The following TRIML2 variants were observed in gnomAD, a reference collection of about 807,000 sequenced individuals.
TRIML2 encodes the protein probable E3 ubiquitin-protein ligase TRIML2.
Under a neutral mutation model 31.2 loss-of-function variants are expected in TRIML2, and 28 were observed. The observed-to-expected ratio is 0.90, with a 90% CI of 0.66 to 1.23. TRIML2 has a LOEUF of 1.23. Among genes scored for constraint, TRIML2 ranks in the 50% most tolerant of loss-of-function variants. The pLI, the probability that TRIML2 is intolerant of heterozygous loss-of-function variation, is 0.00. For synonymous variants in TRIML2, 187 were observed against 197.5 expected (o/e 0.95, Z 0.45); for missense variants, 536 against 528.3 (o/e 1.01, Z -0.14).
At chr4:188,093,147 A>C in intron 7 of TRIML2, 1 of 257,212 alleles carries the variant, frequency 3.9e-6, no homozygotes, top group East Asian at 1.0e-4. Flanking sequence ...CAGTTGTCTA[A>C]GCCATAAACC....
rs1410479257 is a variant in TRIML2, at chr4:188,091,888, CCT to C, written c.797_798del (p.Glu266GlyfsTer109). ...ETAHPCLALSEDLRTMRLRHG... is the reference protein window; with the variant it reads ...ETAHPCLALSXDLRTMRLRHG... Reference sequence around the variant, plus strand: ...TGTCTCAATCTCATAGTTCTCAGGTCCTCAGATAGTGCCAGGCAGGGATGAGC... The same window carrying C: ...TGTCTCAATCTCATAGTTCTCAGGTCCAGATAGTGCCAGGCAGGGATGAGC... On this transcript the variant is annotated frameshift_variant, in exon 8 of 8. Transcript: ENST00000682553. LOFTEE classifies it low-confidence loss of function (END_TRUNC). 1.2e-6 allele frequency: 2 copies of C among 1,613,680 alleles called. No individual in the cohort carries two copies. Among genetic ancestry groups the C allele is most frequent in the Non-Finnish European group, 1.7e-6 (2 of 1,180,052 alleles).
At chr4:188,095,582 G>A (rs1426086083) in intron 7 of TRIML2, among the ~76,000 whole-genome samples, 2 of 152,198 alleles carry the variant, frequency 1.3e-5, no homozygotes, top group Non-Finnish European at 1.5e-5. Context: ...CGGGTCGGAT[G>A]TAGTAAAACA....
At chr4:188,094,734 A>G (rs1241246051) in intron 7 of TRIML2, among the ~76,000 whole-genome samples, 2 of 152,228 alleles carry the variant, frequency 1.3e-5, no homozygotes, top group African/African-American at 2.4e-5. Context: ...TCAATGTAAT[A>G]TGAATAAAAA....
intron 4 of TRIML2, 40 bp from the exon 5 acceptor site, chr4:188,099,215 G>T (rs773933073): frequency 6.4e-7 from 1 of 1,551,684 alleles, no homozygotes; most frequent in Non-Finnish European, 8.7e-7. Flanking sequence ...ACAACCTCAA[G>T]TTCAGGAACA....
intron 4 of TRIML2, among the ~76,000 whole-genome samples, chr4:188,099,946 GC>G (rs201993836): frequency 0.11 from 17,320 of 151,910 alleles, 1,605 homozygotes; most frequent in East Asian, 0.51. Flanking sequence ...TACATATACT[GC>G]GTAGTCACAT....
rs1418389972 is a variant in TRIML2 at position 188,104,445 on chromosome 4, CCT to C, written c.285+390_285+391del. On this transcript the variant is annotated intron_variant, in intron 3 of 7. Transcript: ENST00000682553. ...GTAGTGTGATCTCGGCTCACTGCAA[CCT>C]CTGCCTCCCAGTTCAAGCGATTCTC... Among the ~76,000 whole-genome samples, 7 of 151,062 alleles carry C rather than the reference CCT, an allele frequency of 4.6e-5. No individual in the cohort carries two copies. In the South Asian group the frequency reaches 6.3e-4, roughly 14 times the overall value.
chr4:188,093,061 T>C (rs886096387), intron 7 of TRIML2: 1 of 353,552 alleles, frequency 2.8e-6, no homozygotes, highest in Admixed American at 3.7e-5. Context: ...ATTTCAAACA[T>C]AACACACCCA....
chr4:188,102,849 CAAAAAAA>C (rs566736942), intron 3 of TRIML2, among the ~76,000 whole-genome samples: 1 of 83,376 alleles, frequency 1.2e-5, no homozygotes, highest in Admixed American at 1.3e-4. Flanking sequence ...AACTTCATCT[CAAAAAAA>C]AAAAAAAAAA....
chr4:188,106,340 C>T (rs900730649), intron 1 of TRIML2, among the ~76,000 whole-genome samples: 2 of 152,200 alleles, frequency 1.3e-5, no homozygotes, highest in Admixed American at 6.5e-5. Flanking sequence ...CGTGAGCCAC[C>T]GCGCCCGGCC....
intron 1 of TRIML2, among the ~76,000 whole-genome samples, chr4:188,107,221 G>A (rs113642352): frequency 0.03 from 4,601 of 152,104 alleles, 243 homozygotes; most frequent in African/African-American, 0.1. Context: ...TCACCGTGTT[G>A]GCCACACTGA....
chr4:188,098,433 C>A (rs1014594346), intron 5 of TRIML2, among the ~76,000 whole-genome samples: 2 of 152,192 alleles, frequency 1.3e-5, no homozygotes, highest in African/African-American at 4.8e-5. Context: ...CACTCACTAC[C>A]CAAAGGCCCC....
chr4:188,099,036 T>G lies in TRIML2; in HGVS notation c.620A>C (p.Lys207Thr). The G allele has an allele frequency of 6.2e-7, 1 of 1,614,178 alleles. No homozygotes were observed. The highest frequency in any genetic ancestry group is 8.5e-7 in the Non-Finnish European group (1 of 1,180,020). Residue 207 changes from lysine (K) to threonine (T), a missense_variant and splice_region_variant, in exon 5 of 8, where the codon AAG becomes ACG. Lys to Thr is a moderately conservative substitution (Grantham distance 78). Transcript: ENST00000682553. ...ATTTTCTTTTTCCCAGCATCTTACC[T>G]TGAGCAATGCCAAGGTGCCTTCCCC... ...KCGEGTLALL[K>T]NAKYSLERSK...
At chr4:188,098,679 T>C (rs775188033) in intron 5 of TRIML2, 3 of 210,544 alleles carry the variant, frequency 1.4e-5, no homozygotes, top group Non-Finnish European at 2.9e-5. Flanking sequence ...GCATCTTTCT[T>C]TTTCACTTAA....
rs1190699764 is a variant in TRIML2, at chr4:188,104,885, T to C, written c.237A>G (p.Ala79=). 1 of 1,614,036 alleles carries C rather than the reference T, an allele frequency of 6.2e-7. No homozygotes were observed. Among genetic ancestry groups the C allele is most frequent in the African/African-American group, 1.3e-5 (1 of 74,944 alleles). ...GCTCATCAGTCAATATGCTTTTAGC[T>C]GCTTCAAGTTTCTCCCTCGATGTGT... The part of the protein sequence containing the change: ...ILNTSREKLE[A]AKSILTDEQE... The change falls in exon 3 of 8, where the codon GCA becomes GCG. Residue 79 remains alanine, a synonymous_variant. Transcript: ENST00000682553.
chr4:188,106,838 G>A (rs1374007057), intron 1 of TRIML2: 3 of 254,568 alleles, frequency 1.2e-5, no homozygotes, highest in Middle Eastern at 1.9e-3. Context: ...AAGACAGGCC[G>A]GGCTGAGCCG....
chr4:188,096,761 A>G (rs933815549), intron 7 of TRIML2, among the ~76,000 whole-genome samples: 1 of 151,508 alleles, frequency 6.6e-6, no homozygotes, highest in Non-Finnish European at 1.5e-5. Context: ...GGTTCAAGCA[A>G]TTCTCCCACC....
At chr4:188,103,252 G>A (rs947273324) in intron 3 of TRIML2, among the ~76,000 whole-genome samples, 2 of 151,838 alleles carry the variant, frequency 1.3e-5, no homozygotes, top group African/African-American at 2.4e-5. Flanking sequence ...CGCCCGCCTC[G>A]GCCTCCCAAA....
At position 188,105,404 on chromosome 4, in the gene TRIML2, T is replaced by C; in HGVS notation, c.-36A>G. The C allele has an allele frequency of 6.8e-7, 1 of 1,476,148 alleles. No homozygotes were observed. The highest frequency in any genetic ancestry group is 9.1e-7 in the Non-Finnish European group (1 of 1,094,932). The allele number at this position is 1,476,148 out of a possible 1,614,324, so 91.4% of individuals were successfully genotyped here. ...GTCCCTAGTTGAAGACTGGACTGTA[T>C]GCTTCTACTGAGGTATCTCCCTGCA... On this transcript the variant is annotated 5_prime_UTR_variant, in exon 2 of 8. Transcript: ENST00000682553.
chr4:188,096,779 C>T (rs1460932999), intron 7 of TRIML2, among the ~76,000 whole-genome samples: 1 of 151,780 alleles, frequency 6.6e-6, no homozygotes, highest in Non-Finnish European at 1.5e-5. Context: ...ACCTCAGCCA[C>T]TCAAGTAGCA....
Sources: gnomAD v4.1 joint callset for allele counts (sites outside exome capture counted in the v4.1 genomes callset) on GRCh38, gnomAD v4.1.1 for gene constraint, MANE v1.5 for transcripts, NCBI Gene and HGNC (gene_info 2026-07-23, HGNC 2026-07-21) for gene names.